Variants in SYNC observed in about 807,000 individuals in gnomAD.
The protein encoded by SYNC is syncoilin, intermediate filament protein.
In SYNC, 38 loss-of-function variants were observed where a neutral mutation model predicts 49.5. The observed-to-expected ratio is 0.77, with a 90% CI of 0.59 to 1.01. The LOEUF is 1.01. SYNC is among the 50% of genes least tolerant of loss of function. SYNC has a pLI of 0.00. For synonymous variants in SYNC, 201 were observed against 230.8 expected (o/e 0.87, Z 1.17); for missense variants, 579 against 580.6 (o/e 1.00, Z 0.03).
intron 2 of SYNC, chr1:32,685,824 G>A (rs952177601): frequency 2.0e-5 from 3 of 152,020 alleles, no homozygotes; most frequent in African/African-American, 7.3e-5. Flanking sequence ...AATGAAGGAA[G>A]GATTGCTACA....
At position 32,694,354 on chromosome 1, in the gene SYNC, CA is replaced by C. The variant is rs1432047644; in HGVS notation, c.1233+510del. Among the ~76,000 whole-genome samples, 8 of 145,206 alleles carry C rather than the reference CA, an allele frequency of 5.5e-5. No individual in the cohort carries two copies. The South Asian group carries it at 1.8e-3, about 32-fold the overall frequency. On this transcript the variant is annotated intron_variant, in intron 2 of 4. Coordinates refer to ENST00000409190, the MANE Select transcript of SYNC (RefSeq NM_030786.3). ...CCTAAGTGACAGCAAGACCCTGTCG[CA>C]AAAAAAACAGAGTGCAGGCCGGGCG...
intron 2 of SYNC, among the ~76,000 whole-genome samples, chr1:32,687,525 G>A (rs1468104717): frequency 6.6e-6 from 1 of 151,640 alleles, no homozygotes; most frequent in Non-Finnish European, 1.5e-5. Context: ...ACAAAAATTA[G>A]TTGGGCATGG....
In SYNC at chr1:32,702,699, G is replaced by A. The variant is rs1650716967; in HGVS notation, c.-39C>T. The A allele has an allele frequency of 1.7e-6, 2 of 1,143,664 alleles. No homozygotes were observed. The highest frequency in any genetic ancestry group is 2.1e-6 in the Non-Finnish European group (2 of 932,058). The allele number at this position is 1,143,664 out of a possible 1,614,324, so 70.8% of individuals were successfully genotyped here. On this transcript the variant is annotated 5_prime_UTR_variant, in exon 1 of 5. Transcript: ENST00000409190. This position sits in a 1 kb window ranked among gnomAD's most constrained non-coding sequence, Gnocchi z 6.2. ...CGGGCTGGCGGCCGCGTTATTAATA[G>A]CCGGGCCCGCGGGCCCCTCGCTCCG...
chr1:32,703,562 G>A (rs1281080191), upstream of SYNC: 1 of 152,212 alleles, frequency 6.6e-6, no homozygotes, highest in Non-Finnish European at 1.5e-5. Flanking sequence ...TGGGCTTCAG[G>A]CGTTCTTCCT....
chr1:32,687,686 A>G (rs945421561), intron 2 of SYNC, among the ~76,000 whole-genome samples: 19 of 151,428 alleles, frequency 1.3e-4, no homozygotes, highest in African/African-American at 4.3e-4. Flanking sequence ...AAAAAAGAAA[A>G]AAATGTTTAG....
At chr1:32,691,735 T>G (rs1316612923) in intron 2 of SYNC, among the ~76,000 whole-genome samples, 1 of 152,168 alleles carries the variant, frequency 6.6e-6, no homozygotes, top group Non-Finnish European at 1.5e-5. Flanking sequence ...ACCTATATCT[T>G]TTCTCCCCTG....
chr1:32,682,041 ATAGT>A (rs1649474124), intron 4 of SYNC, 181 bp from the exon 5 acceptor site: 1 of 591,714 alleles, frequency 1.7e-6, no homozygotes, highest in Non-Finnish European at 3.0e-6. Context: ...GATGGGAGGG[ATAGT>A]TAAACGTTTT....
chr1:32,700,283 C>T (rs1650614505), intron 1 of SYNC, among the ~76,000 whole-genome samples: 1 of 152,214 alleles, frequency 6.6e-6, no homozygotes, highest in Non-Finnish European at 1.5e-5. Context: ...TCAACAGTCC[C>T]TGCTTTCCCA....
intron 3 of SYNC, 65 bp from the exon 4 acceptor site, chr1:32,684,154 A>C: frequency 6.2e-7 from 1 of 1,606,540 alleles, no homozygotes; most frequent in Non-Finnish European, 8.5e-7. Flanking sequence ...ATCATTTCCC[A>C]AATCCTCTTT....
At position 32,680,423 on chromosome 1, in the gene SYNC, T is replaced by C. The variant is rs1649362923; in HGVS notation, c.*1427A>G. 1 of 1,405,258 alleles carries C rather than the reference T, an allele frequency of 7.1e-7. No individual in the cohort carries two copies. The highest frequency in any genetic ancestry group is 9.3e-7 in the Non-Finnish European group (1 of 1,074,636). 87.0% of individuals were successfully genotyped at this position (1,405,258 alleles called of 1,614,324 possible). ...AAAGATGTATGTTTTTACCTGACAG[T>C]TATACCACAGGTAGACTGTCAAGTT... On this transcript the variant is annotated 3_prime_UTR_variant, in exon 5 of 5. Coordinates refer to ENST00000409190, the MANE Select transcript of SYNC (RefSeq NM_030786.3).
At chr1:32,699,728 CT>C (rs58903413) in intron 1 of SYNC, among the ~76,000 whole-genome samples, 115,023 of 126,042 alleles carry the variant, frequency 0.91, 52,254 homozygotes, top group South Asian at 0.97. Context: ...CCAAACATAC[CT>C]TTTTTTTTTT....
rs932221495 is a variant in SYNC, at chr1:32,694,408, C to T, written c.1233+457G>A. Among the ~76,000 whole-genome samples, 33 of 152,096 alleles carry T rather than the reference C, an allele frequency of 2.2e-4. 1 individual carries two copies. The highest frequency in any genetic ancestry group is 7.5e-4 in the African/African-American group (31 of 41,508). Reference sequence around the variant, plus strand: ...GTGGCTCACACCTGTAATCCCAGCACTTTGGGAGGCCAAGGCAGGCGGATC... The same window carrying T: ...GTGGCTCACACCTGTAATCCCAGCATTTTGGGAGGCCAAGGCAGGCGGATC... On this transcript the variant is annotated intron_variant, in intron 2 of 4. Transcript: ENST00000409190.
intron 2 of SYNC, chr1:32,684,910 GCTC>G (rs1344908605): frequency 6.5e-6 from 1 of 153,236 alleles, no homozygotes; most frequent in Non-Finnish European, 1.5e-5. Flanking sequence ...TGTGTCCAAA[GCTC>G]CTTAAAGTCA....
rs747835140 is a variant in SYNC at position 32,695,198 on chromosome 1, C to A, written c.900G>T (p.Glu300Asp). The change falls in exon 2 of 5, where the codon GAG becomes GAT. Residue 300 changes from glutamate (E) to aspartate (D), a missense_variant. Coordinates refer to ENST00000409190, the MANE Select transcript of SYNC (RefSeq NM_030786.3). ...GGGCTTCTAGTTGTTGCCGCAGCTG[C>A]TCCTTCTGCTTCTGATAGGCATCCC... ...QLRDAYQKQK[E>D]QLRQQLEAPP... The A allele has an allele frequency of 1.3e-6, 2 of 1,559,260 alleles. No homozygotes were observed. The highest frequency in any genetic ancestry group is 1.7e-6 in the Non-Finnish European group (2 of 1,151,198).
chr1:32,684,151 C>T (rs1649645517), intron 3 of SYNC, 62 bp from the exon 4 acceptor site: 6 of 1,606,132 alleles, frequency 3.7e-6, no homozygotes, highest in Non-Finnish European at 5.1e-6. Flanking sequence ...AAAATCATTT[C>T]CCAAATCCTC....
chr1:32,680,179 C>G lies in SYNC; in HGVS notation c.*1671G>C, dbSNP rs1406689234. 1.8e-6 allele frequency: 2 copies of G among 1,091,116 alleles called. No homozygotes were observed. Among genetic ancestry groups the G allele is most frequent in the Non-Finnish European group, 2.2e-6 (2 of 898,520 alleles). 67.6% of individuals were successfully genotyped at this position (1,091,116 alleles called of 1,614,324 possible). ...CTCGAAAATCTTGACACCTGACTTT[C>G]CAGGATGCACATTTTCATACGTAGA... On this transcript the variant is annotated 3_prime_UTR_variant, in exon 5 of 5. Transcript: ENST00000409190.
chr1:32,680,434 G>A lies in SYNC; in HGVS notation c.*1416C>T. 1 of 1,459,546 alleles carries A rather than the reference G, an allele frequency of 6.9e-7. No homozygotes were observed. Among genetic ancestry groups the A allele is most frequent in the East Asian group, 2.8e-5 (1 of 36,008 alleles). The allele number at this position is 1,459,546 out of a possible 1,614,324, so 90.4% of individuals were successfully genotyped here. A position where few individuals can be genotyped will look rare whatever the true frequency, so the allele number is the denominator to read the frequency against. ...TTTTTACCTGACAGTTATACCACAG[G>A]TAGACTGTCAAGTTGAGAAGAGTGA... On this transcript the variant is annotated 3_prime_UTR_variant, in exon 5 of 5. Transcript: ENST00000409190.
In SYNC at chr1:32,693,966, G is replaced by T. The variant is rs1052523485; in HGVS notation, c.1233+899C>A. On this transcript the variant is annotated intron_variant, in intron 2 of 4. Transcript: ENST00000409190. ...AAAATACAAAAATTGGCCGGCTGCGGTGGCTCACACCTATAATCCTAGCTC... is the reference window on the plus strand; with the variant it reads ...AAAATACAAAAATTGGCCGGCTGCGTTGGCTCACACCTATAATCCTAGCTC... Among the ~76,000 whole-genome samples the T allele has an allele frequency of 4.6e-5, 7 of 152,344 alleles. No homozygotes were observed. In the East Asian group the frequency reaches 1.2e-3, roughly 25 times the overall value.
intron 1 of SYNC, among the ~76,000 whole-genome samples, chr1:32,697,846 C>T (rs1650502101): frequency 1.3e-5 from 2 of 152,066 alleles, no homozygotes; most frequent in Non-Finnish European, 2.9e-5. Flanking sequence ...AGCTTTCAGA[C>T]TGTCACTCTT....
Sources: allele counts gnomAD v4.1 joint callset (sites outside exome capture counted in the v4.1 genomes callset), GRCh38; gene constraint gnomAD v4.1.1; non-coding constraint Gnocchi (gnomAD v3.1); transcripts MANE v1.5; gene names NCBI Gene and HGNC (gene_info 2026-07-23, HGNC 2026-07-21).